The following TENM3 variants were observed in gnomAD, a reference collection of about 807,000 sequenced individuals.
TENM3 encodes the protein teneurin transmembrane protein 3, also known as teneurin-3.
In TENM3, 63 loss-of-function variants were observed where a neutral mutation model predicts 255.1. That is an observed-to-expected ratio of 0.25 (90% CI 0.20 to 0.30). The LOEUF (loss-of-function observed/expected upper bound fraction) is 0.30. Ranked by LOEUF, TENM3 falls within the 10% of genes least tolerant of loss-of-function variation. The pLI is 1.00. For missense variants in TENM3, 2,929 were observed against 3,461.1 expected, an observed-to-expected ratio of 0.85 and a Z score of 3.86; for synonymous variants, 1,306 against 1,322.3, an observed-to-expected ratio of 0.99 and a Z score of 0.27.
the TENM3 span, among the ~76,000 whole-genome samples, chr4:182,097,980 G>A: frequency 8.0e-5 from 12 of 150,724 alleles, no homozygotes; most frequent in East Asian, 1.9e-3. Flanking sequence ...AACTTAGTAG[G>A]AAAAAAAAAT....
the TENM3 span, among the ~76,000 whole-genome samples, chr4:181,918,930 G>C: frequency 2.0e-3 from 309 of 152,034 alleles, 2 homozygotes; most frequent in African/African-American, 7.1e-3. Context: ...ATACAAAAAG[G>C]CAACTTTAAT....
At chr4:182,107,266 G>C in the TENM3 span, among the ~76,000 whole-genome samples, 1 of 151,908 alleles carries the variant, frequency 6.6e-6, no homozygotes, top group Non-Finnish European at 1.5e-5. Flanking sequence ...GATCCCTCAA[G>C]GCTCTGGAAA....
At chr4:181,560,818 C>T in the TENM3 span, among the ~76,000 whole-genome samples, 2 of 152,324 alleles carry the variant, frequency 1.3e-5, no homozygotes, top group East Asian at 3.9e-4. Context: ...GAACAGACAG[C>T]AGCTCTTTCT....
At chr4:181,928,562 G>A in the TENM3 span, among the ~76,000 whole-genome samples, 4 of 151,754 alleles carry the variant, frequency 2.6e-5, no homozygotes, top group Non-Finnish European at 4.4e-5. Flanking sequence ...TGATGGGTGT[G>A]CCTGAAAGTG....
chr4:182,384,928 G>T (rs936127115), intron 3 of TENM3, among the ~76,000 whole-genome samples: 1 of 152,054 alleles, frequency 6.6e-6, no homozygotes, highest in Non-Finnish European at 1.5e-5. Context: ...CAGTTTTACA[G>T]ATTTTCTACT....
At chr4:181,884,108 G>C in the TENM3 span, among the ~76,000 whole-genome samples, 10 of 151,944 alleles carry the variant, frequency 6.6e-5, no homozygotes, top group African/African-American at 2.4e-4. Flanking sequence ...TTTTTTCGTG[G>C]CATACTGATA....
chr4:181,978,138 G>A, the TENM3 span, among the ~76,000 whole-genome samples: 2 of 152,286 alleles, frequency 1.3e-5, no homozygotes, highest in South Asian at 2.1e-4. Flanking sequence ...TTTTAAAGTA[G>A]CTGAAAGAGA....
chr4:182,103,562 G>A, the TENM3 span, among the ~76,000 whole-genome samples: 1 of 152,122 alleles, frequency 6.6e-6, no homozygotes, highest in South Asian at 2.1e-4. Flanking sequence ...TCACTATTAG[G>A]TAAAGCCCTA....
At chr4:182,765,107 G>C (rs1443177827) in intron 22 of TENM3, among the ~76,000 whole-genome samples, 2 of 150,492 alleles carry the variant, frequency 1.3e-5, no homozygotes, top group Non-Finnish European at 2.9e-5. Context: ...GACTTTGAGA[G>C]TACCATGGCA....
At chr4:181,627,568 G>C in the TENM3 span, among the ~76,000 whole-genome samples, 1 of 152,020 alleles carries the variant, frequency 6.6e-6, no homozygotes, top group Admixed American at 6.5e-5. Flanking sequence ...TCCCACCTAT[G>C]AGTGAGAACA....
At chr4:181,825,929 A>G in the TENM3 span, among the ~76,000 whole-genome samples, 1,286 of 152,266 alleles carry the variant, frequency 8.4e-3, 24 homozygotes, top group African/African-American at 0.03. Context: ...CACATTTCTT[A>G]TGGGGGACTC....
the TENM3 span, among the ~76,000 whole-genome samples, chr4:181,568,126 G>A: frequency 6.6e-6 from 1 of 151,580 alleles, no homozygotes; most frequent in South Asian, 2.1e-4. Flanking sequence ...TTTCTCCATA[G>A]GAAGGGTTGT....
chr4:181,501,110 A>G, the TENM3 span, among the ~76,000 whole-genome samples: 1 of 152,136 alleles, frequency 6.6e-6, no homozygotes, highest in African/African-American at 2.4e-5. Context: ...AAAAGAAATT[A>G]CCATGGCAGA....
At chr4:181,833,715 ACT>A in the TENM3 span, among the ~76,000 whole-genome samples, 1 of 141,314 alleles carries the variant, frequency 7.1e-6, no homozygotes, top group African/African-American at 2.6e-5. Flanking sequence ...TTCTCTGGAA[ACT>A]TTTTTTTTTT....
the TENM3 span, among the ~76,000 whole-genome samples, chr4:181,993,815 A>G: frequency 2.0e-5 from 3 of 152,136 alleles, no homozygotes; most frequent in Non-Finnish European, 4.4e-5. Context: ...TATATATGCA[A>G]AGAGCAAGAC....
chr4:182,742,476 T>C (rs1417788774), intron 18 of TENM3, among the ~76,000 whole-genome samples: 5 of 152,246 alleles, frequency 3.3e-5, no homozygotes, highest in Non-Finnish European at 7.3e-5. Flanking sequence ...TACGCAGGAA[T>C]AGTCTTTGAC....
the TENM3 span, among the ~76,000 whole-genome samples, chr4:181,648,435 C>CA: frequency 1.3e-5 from 2 of 151,750 alleles, no homozygotes; most frequent in Admixed American, 6.6e-5. Context: ...GTTCAAATAC[C>CA]AAAAAAAGTG....
chr4:181,922,961 C>T, the TENM3 span, among the ~76,000 whole-genome samples: 1 of 152,088 alleles, frequency 6.6e-6, no homozygotes, highest in Non-Finnish European at 1.5e-5. Context: ...TTTCAAAGAA[C>T]ATCTTTATAT....
chr4:182,566,935 G>A (rs1047626668), intron 3 of TENM3, among the ~76,000 whole-genome samples: 1 of 151,970 alleles, frequency 6.6e-6, no homozygotes, highest in African/African-American at 2.4e-5. Context: ...AAATTTATTG[G>A]TATATAAAGG....
Sources: gnomAD v4.1 joint callset for allele counts (sites outside exome capture counted in the v4.1 genomes callset) on GRCh38, gnomAD v4.1.1 for gene constraint, MANE v1.5 for transcripts, NCBI Gene and HGNC (gene_info 2026-07-23, HGNC 2026-07-21) for gene names.